COLEC12: variants seen among roughly 807,000 people sequenced by gnomAD.
COLEC12 encodes the protein collectin subfamily member 12.
A neutral mutation model predicts 71.1 loss-of-function variants in COLEC12; 33 were observed. The ratio of observed to expected loss-of-function variants is 0.46; its 90% CI spans 0.35 to 0.62. The LOEUF is 0.62. Ranked by LOEUF, COLEC12 falls within the 20% of genes least tolerant of loss-of-function variation. The pLI is 0.00. For synonymous variants in COLEC12, 350 were observed against 353.0 expected, an observed-to-expected ratio of 0.99 and a Z score of 0.10; for missense variants, 765 against 916.1, an observed-to-expected ratio of 0.84 and a Z score of 2.13.
chr18:428,567 T>C (rs1916241283), intron 2 of COLEC12, among the ~76,000 whole-genome samples: 1 of 152,224 alleles, frequency 6.6e-6, no homozygotes, highest in Non-Finnish European at 1.5e-5. Context: ...AGAAATTATA[T>C]TCAGCTGCTA....
intron 2 of COLEC12, among the ~76,000 whole-genome samples, chr18:370,714 C>G (rs1186055553): frequency 1.3e-5 from 2 of 152,026 alleles, no homozygotes; most frequent in Non-Finnish European, 2.9e-5. Flanking sequence ...CAACGGGATC[C>G]CAGGGATGGT....
At chr18:363,149 T>C (rs1195620502) in intron 2 of COLEC12, among the ~76,000 whole-genome samples, 2 of 152,206 alleles carry the variant, frequency 1.3e-5, no homozygotes, top group Non-Finnish European at 2.9e-5. Flanking sequence ...AGAGAATTCC[T>C]TTCTGCTGTG....
intron 1 of COLEC12, among the ~76,000 whole-genome samples, chr18:493,859 T>G (rs1397997807): frequency 6.6e-6 from 1 of 152,226 alleles, no homozygotes; most frequent in Non-Finnish European, 1.5e-5. Flanking sequence ...AATACTTATT[T>G]AGAGACAAAC....
intron 1 of COLEC12, among the ~76,000 whole-genome samples, chr18:491,569 G>C (rs1174926813): frequency 1.3e-5 from 2 of 152,212 alleles, no homozygotes; most frequent in Non-Finnish European, 2.9e-5. Flanking sequence ...GACAGAGGCA[G>C]TGGTAAAAGC....
intron 2 of COLEC12, among the ~76,000 whole-genome samples, chr18:459,599 C>G (rs930132541): frequency 4.6e-5 from 7 of 152,230 alleles, no homozygotes; most frequent in African/African-American, 1.7e-4. Context: ...CATCAAGGGG[C>G]CCCAGCGCAG....
intron 2 of COLEC12, among the ~76,000 whole-genome samples, chr18:475,551 G>C (rs1308763258): frequency 6.6e-6 from 1 of 152,174 alleles, no homozygotes. Context: ...ACAAGAAGTA[G>C]AGGCATCCAA....
chr18:495,956 C>A (rs890347885), intron 1 of COLEC12, among the ~76,000 whole-genome samples: 2 of 152,152 alleles, frequency 1.3e-5, no homozygotes, highest in African/African-American at 4.8e-5. Context: ...GGCAGGTGCT[C>A]AATAAATGTT....
At chr18:330,194 T>C (rs1301918658) in intron 8 of COLEC12, among the ~76,000 whole-genome samples, 1 of 152,232 alleles carries the variant, frequency 6.6e-6, no homozygotes, top group Non-Finnish European at 1.5e-5. Flanking sequence ...TTTATCCAAA[T>C]GCACATGCAC....
intron 2 of COLEC12, among the ~76,000 whole-genome samples, chr18:401,325 C>T (rs1194859742): frequency 2.0e-5 from 3 of 152,338 alleles, no homozygotes; most frequent in South Asian, 2.1e-4. Context: ...TGTTGCCATT[C>T]GTCCTGGCTG....
Position 465,555 on chromosome 18 carries a change from T to C in COLEC12, c.58+15152A>G, listed in dbSNP as rs544957465. 2.6e-5 allele frequency among the ~76,000 whole-genome samples: 4 copies of C among 152,330 alleles called. No individual in the cohort carries two copies. The South Asian group carries it at 8.3e-4, about 32-fold the overall frequency. ...TACAAATCTCTTAAAAATAATTCAC[T>C]GATTTCAGTTTGATTTTACAGGAAG... is the stretch of plus-strand genomic sequence containing the variant. On this transcript the variant is annotated intron_variant, in intron 2 of 9. Coordinates refer to ENST00000400256, the MANE Select transcript of COLEC12 (RefSeq NM_130386.3).
At chr18:439,651 CAT>C (rs748171503) in intron 2 of COLEC12, among the ~76,000 whole-genome samples, 11 of 152,092 alleles carry the variant, frequency 7.2e-5, no homozygotes, top group Non-Finnish European at 1.6e-4. Flanking sequence ...TTACCTCACA[CAT>C]GTTAGAATGG....
chr18:390,203 C>T (rs1343660502), intron 2 of COLEC12, among the ~76,000 whole-genome samples: 1 of 152,196 alleles, frequency 6.6e-6, no homozygotes, highest in African/African-American at 2.4e-5. Context: ...AAGAACAGGC[C>T]TCAGGTGTTC....
At chr18:478,351 G>A (rs1397381276) in intron 2 of COLEC12, among the ~76,000 whole-genome samples, 4 of 152,236 alleles carry the variant, frequency 2.6e-5, no homozygotes, top group East Asian at 1.9e-4. Flanking sequence ...AGTGGCTCAC[G>A]CCTGTAATCT....
At chr18:435,971 T>C (rs980103976) in intron 2 of COLEC12, among the ~76,000 whole-genome samples, 2 of 152,234 alleles carry the variant, frequency 1.3e-5, no homozygotes, top group East Asian at 1.9e-4. Flanking sequence ...TCCCCTTTCA[T>C]CTTCCATGTG....
At position 319,946 on chromosome 18, in the gene COLEC12, T is replaced by C. The variant is rs1913662307; in HGVS notation, c.*99A>G. The C allele has an allele frequency of 1.3e-6, 1 of 757,424 alleles. No homozygotes were observed. The highest frequency in any genetic ancestry group is 1.8e-5 in the African/African-American group (1 of 54,182). The allele number at this position is 757,424 out of a possible 1,614,324, so 46.9% of individuals were successfully genotyped here. On this transcript the variant is annotated 3_prime_UTR_variant, in exon 10 of 10. Transcript: ENST00000400256. Reference sequence around the variant, plus strand: ...TTTTCAGTAATTGGTTTTCAGTGCTTTTTTTTTTTCAATCTGATGAGAAGG... The same window carrying C: ...TTTTCAGTAATTGGTTTTCAGTGCTCTTTTTTTTTCAATCTGATGAGAAGG...
At chr18:442,343 C>T (rs554494369) in intron 2 of COLEC12, among the ~76,000 whole-genome samples, 2 of 152,298 alleles carry the variant, frequency 1.3e-5, no homozygotes, top group East Asian at 3.9e-4. Context: ...CTCTCCCAAG[C>T]CTGCCTCTGG....
chr18:347,404 A>G, intron 4 of COLEC12, 63 bp from the exon 5 acceptor site: 1 of 1,396,616 alleles, frequency 7.2e-7, no homozygotes, highest in Non-Finnish European at 1.0e-6. Flanking sequence ...GCAAGGCCAA[A>G]GATCCCGAAC....
chr18:451,237 G>A (rs1916754629), intron 2 of COLEC12, among the ~76,000 whole-genome samples: 1 of 152,164 alleles, frequency 6.6e-6, no homozygotes, highest in Admixed American at 6.5e-5. Flanking sequence ...CATATGTTAT[G>A]ACCATTTCCC....
intron 2 of COLEC12, among the ~76,000 whole-genome samples, chr18:429,722 C>A (rs184116635): frequency 6.6e-6 from 1 of 152,134 alleles, no homozygotes; most frequent in Admixed American, 6.5e-5. Context: ...AAAGAACAGG[C>A]CCCAAAGAGA....
Sources: allele counts gnomAD v4.1 joint callset (sites outside exome capture counted in the v4.1 genomes callset), GRCh38; gene constraint gnomAD v4.1.1; transcripts MANE v1.5; gene names NCBI Gene and HGNC (gene_info 2026-07-23, HGNC 2026-07-21).